Variants in NANOG observed in about 807,000 individuals in gnomAD.
The protein encoded by NANOG is homeobox protein NANOG.
NANOG carries 2 observed loss-of-function variants against 17.7 expected under a neutral mutation model. The observed-to-expected ratio is 0.11, with a 90% CI of 0.05 to 0.36. The LOEUF is 0.36. Among genes scored for constraint, NANOG ranks in the 10% least tolerant of loss-of-function variants. The pLI, the probability that NANOG is intolerant of heterozygous loss-of-function variation, is 1.00. For missense variants in NANOG, 174 were observed against 362.1 expected, an observed-to-expected ratio of 0.48 and a Z score of 4.22; for synonymous variants, 81 against 124.7, an observed-to-expected ratio of 0.65 and a Z score of 2.33.
intron 1 of NANOG, among the ~76,000 whole-genome samples, chr12:7,791,237 G>A (rs1430797057): frequency 6.6e-6 from 1 of 151,564 alleles, no homozygotes; most frequent in Non-Finnish European, 1.5e-5. Context: ...AGTCTCTCGA[G>A]TAGCAGGTAT....
intron 1 of NANOG, among the ~76,000 whole-genome samples, chr12:7,791,457 G>A (rs1454267825): frequency 5.3e-5 from 8 of 152,034 alleles, no homozygotes; most frequent in Non-Finnish European, 7.3e-5. Context: ...GTTTTCTTTA[G>A]CACACATCAA....
In NANOG at chr12:7,789,666, G is replaced by T. The variant is rs778249718; in HGVS notation, c.52G>T (p.Asp18Tyr). 3.1e-6 allele frequency: 5 copies of T among 1,614,076 alleles called. No individual in the cohort carries two copies. The Admixed American group carries it at 6.7e-5, about 22-fold the overall frequency. Residue 18 changes from aspartate (D) to tyrosine (Y), a missense_variant, in exon 1 of 4, where the codon GAC becomes TAC. By Grantham distance (160) the Asp-to-Tyr change is radical. Transcript: ENST00000229307. Reference sequence around the variant, plus strand: ...AAGCTTGCCTTGCTTTGAAGCATCCGACTGTAAAGAATCTTCACCTATGCC... The same window carrying T: ...AAGCTTGCCTTGCTTTGAAGCATCCTACTGTAAAGAATCTTCACCTATGCC... ...PQSLPCFEAS[D>Y]CKESSPMPVI...
At chr12:7,791,235 G>A (rs542412717) in intron 1 of NANOG, among the ~76,000 whole-genome samples, 1 of 151,162 alleles carries the variant, frequency 6.6e-6, no homozygotes, top group Non-Finnish European at 1.5e-5. Context: ...TCAGTCTCTC[G>A]AGTAGCAGGT....
At position 7,789,471 on chromosome 12, in the gene NANOG, G is replaced by C; in HGVS notation, c.-144G>C. ...CTGGTTGCCTCATGTTATTATGCAG[G>C]CAACTCACTTTATCCCAATTTCTTG... On this transcript the variant is annotated 5_prime_UTR_variant, in exon 1 of 4. Coordinates refer to ENST00000229307, the MANE Select transcript of NANOG (RefSeq NM_024865.4). The C allele has an allele frequency of 3.0e-6, 2 of 664,484 alleles. No homozygotes were observed. The highest frequency in any genetic ancestry group is 5.2e-6 in the Non-Finnish European group (2 of 387,038). The allele number at this position is 664,484 out of a possible 1,614,324, so 41.2% of individuals were successfully genotyped here. A position where few individuals can be genotyped will look rare whatever the true frequency, so the allele number is the denominator to read the frequency against.
chr12:7,796,121 T>TA lies in NANOG; in HGVS notation c.*1027dup, dbSNP rs1336326977. The TA allele has an allele frequency of 6.6e-6, 1 of 152,146 alleles. No individual in the cohort carries two copies. The highest frequency in any genetic ancestry group is 1.5e-5 in the Non-Finnish European group (1 of 68,020). 9.4% of individuals were successfully genotyped at this position (152,146 alleles called of 1,614,324 possible). A position where few individuals can be genotyped will look rare whatever the true frequency, so the allele number is the denominator to read the frequency against. On this transcript the variant is annotated 3_prime_UTR_variant, in exon 4 of 4. Transcript: ENST00000229307. ...AAATTAGCTGAGGACACTGCTATCTTAGAAATGCATAGAAATAGCTGAGCG... is the reference window on the plus strand; with the variant it reads ...AAATTAGCTGAGGACACTGCTATCTTAAGAAATGCATAGAAATAGCTGAGCG...
At chr12:7,789,819 A>G (rs1024215559) in intron 1 of NANOG, 54 bp downstream of exon 1, 1 of 1,564,252 alleles carries the variant, frequency 6.4e-7, no homozygotes, top group Non-Finnish European at 8.7e-7. Context: ...AAAAGAGAGA[A>G]GGAGAGAGGG....
rs1474829953 is a variant in NANOG at position 7,793,221 on chromosome 12, G to A, written c.414+9G>A. 69 of 1,613,456 alleles carry A rather than the reference G, an allele frequency of 4.3e-5. No individual in the cohort carries two copies. In the East Asian group the frequency reaches 7.6e-4, roughly 18 times the overall value. ...ACCTCAGCTACAAACAGGTAGGCTT[G>A]TTTTGTCCTTGGAATAAGGTGAACA... On this transcript the variant is annotated intron_variant, in intron 2 of 3. Coordinates refer to ENST00000229307, the MANE Select transcript of NANOG (RefSeq NM_024865.4).
chr12:7,794,975 C>T lies in NANOG; in HGVS notation c.798C>T (p.Ala266=), dbSNP rs4012937. The change falls in exon 4 of 4, where the codon GCC becomes GCT. Residue 266 remains alanine (A), a synonymous_variant. Transcript: ENST00000229307. The part of the protein sequence containing the change: ...PNSPASDLEA[A]LEAAGEGLNV... Reference sequence around the variant, plus strand: ...CTCCTGCCAGTGACTTGGAGGCTGCCTTGGAAGCTGCTGGGGAAGGCCTTA... The same window carrying T: ...CTCCTGCCAGTGACTTGGAGGCTGCTTTGGAAGCTGCTGGGGAAGGCCTTA... 0.44 allele frequency: 517,915 copies of T among 1,175,186 alleles called. 74,834 individuals carry two copies. Among genetic ancestry groups the T allele is most frequent in the Middle Eastern group, 0.52 (1,788 of 3,426 alleles). 72.8% of individuals were successfully genotyped at this position (1,175,186 alleles called of 1,614,324 possible).
At chr12:7,791,315 T>C (rs1592116796) in intron 1 of NANOG, among the ~76,000 whole-genome samples, 1 of 151,760 alleles carries the variant, frequency 6.6e-6, no homozygotes, top group East Asian at 2.0e-4. Context: ...TTCGGTGTGT[T>C]GGCCAGGCTG....
At chr12:7,791,113 C>CTT (rs57074245) in intron 1 of NANOG, among the ~76,000 whole-genome samples, 2 of 140,536 alleles carry the variant, frequency 1.4e-5, no homozygotes, top group African/African-American at 5.4e-5. Flanking sequence ...TTCTTTCTTT[C>CTT]TTTTTTTTTT....
In NANOG at chr12:7,798,494, A is replaced by G. The variant is rs1348495334; in HGVS notation, c.*3399A>G. On this transcript the variant is annotated 3_prime_UTR_variant, in exon 4 of 4. Coordinates refer to ENST00000229307, the MANE Select transcript of NANOG (RefSeq NM_024865.4). ...CAAAAGGAGGTGTGTGTTACTTCCAATGCTATATTTTAGTAGCTTTACCAT... is the reference window on the plus strand; with the variant it reads ...CAAAAGGAGGTGTGTGTTACTTCCAGTGCTATATTTTAGTAGCTTTACCAT... 1 of 152,210 alleles carries G rather than the reference A, an allele frequency of 6.6e-6. No homozygotes were observed. The highest frequency in any genetic ancestry group is 1.5e-5 in the Non-Finnish European group (1 of 68,038). The allele number at this position is 152,210 out of a possible 1,614,324, so 9.4% of individuals were successfully genotyped here. A position where few individuals can be genotyped will look rare whatever the true frequency, so the allele number is the denominator to read the frequency against.
intron 2 of NANOG, 50 bp from the exon 3 acceptor site, chr12:7,794,407 G>A: frequency 6.7e-7 from 1 of 1,491,522 alleles, no homozygotes; most frequent in South Asian, 1.2e-5. Context: ...TTGATTCAAA[G>A]TACCTCTGTA....
intron 1 of NANOG, among the ~76,000 whole-genome samples, chr12:7,791,836 G>A (rs1862845014): frequency 6.6e-6 from 1 of 152,222 alleles, no homozygotes; most frequent in Non-Finnish European, 1.5e-5. Context: ...TGAAACAGAA[G>A]CTTATCCGGA....
intron 1 of NANOG, among the ~76,000 whole-genome samples, chr12:7,792,579 G>A (rs762199085): frequency 1.3e-5 from 2 of 152,070 alleles, no homozygotes; most frequent in Non-Finnish European, 1.5e-5. Flanking sequence ...CAGGAGAATC[G>A]CTTGAACCCA....
At chr12:7,790,476 C>G (rs937203730) in intron 1 of NANOG, among the ~76,000 whole-genome samples, 1 of 152,136 alleles carries the variant, frequency 6.6e-6, no homozygotes, top group Non-Finnish European at 1.5e-5. Context: ...TGTGCTAGTA[C>G]TCATGCTTCT....
Position 7,798,210 on chromosome 12 carries a change from C to T in NANOG, c.*3115C>T, listed in dbSNP as rs753780873. On this transcript the variant is annotated 3_prime_UTR_variant, in exon 4 of 4. Transcript: ENST00000229307. Reference sequence around the variant, plus strand: ...TGGCCAATATGGCGAAACCCTGTCTCTACTAAAAATACAGAAATTTGCCAG... The same window carrying T: ...TGGCCAATATGGCGAAACCCTGTCTTTACTAAAAATACAGAAATTTGCCAG... 6.6e-6 allele frequency: 1 copy of T among 152,120 alleles called. No homozygotes were observed. Among genetic ancestry groups the T allele is most frequent in the Non-Finnish European group, 1.5e-5 (1 of 68,042 alleles). The allele number at this position is 152,120 out of a possible 1,614,324, so 9.4% of individuals were successfully genotyped here. A position where few individuals can be genotyped will look rare whatever the true frequency, so the allele number is the denominator to read the frequency against.
chr12:7,791,787 T>C (rs1862844234), intron 1 of NANOG, among the ~76,000 whole-genome samples: 1 of 152,206 alleles, frequency 6.6e-6, no homozygotes, highest in Admixed American at 6.5e-5. Context: ...AAAATAATTT[T>C]AGAGATGAGG....
In NANOG at chr12:7,789,420, G is replaced by C. The variant is rs940238720; in HGVS notation, c.-195G>C. 14 of 594,702 alleles carry C rather than the reference G, an allele frequency of 2.4e-5. No homozygotes were observed. The highest frequency in any genetic ancestry group is 3.6e-5 in the Non-Finnish European group (12 of 336,374). The allele number at this position is 594,702 out of a possible 1,614,324, so 36.8% of individuals were successfully genotyped here. ...CTTCATTATAAATCTAGAGACTCCA[G>C]GATTTTAACGTTCTGCTGGACTGAG... On this transcript the variant is annotated 5_prime_UTR_variant, in exon 1 of 4. Coordinates refer to ENST00000229307, the MANE Select transcript of NANOG (RefSeq NM_024865.4).
In NANOG at chr12:7,797,908, C is replaced by T. The variant is rs535228255; in HGVS notation, c.*2813C>T. 1 of 124,236 alleles carries T rather than the reference C, an allele frequency of 8.0e-6. No individual in the cohort carries two copies. Among genetic ancestry groups the T allele is most frequent in the Non-Finnish European group, 1.9e-5 (1 of 52,522 alleles). 7.7% of individuals were successfully genotyped at this position (124,236 alleles called of 1,614,324 possible). A position where few individuals can be genotyped will look rare whatever the true frequency, so the allele number is the denominator to read the frequency against. The stretch of plus-strand genomic sequence containing the variant: ...GCTCAAGCAGTCTACCAGCCTTGGC[C>T]TCCCGAAGTGCTGAGATTACAGGCA... On this transcript the variant is annotated 3_prime_UTR_variant, in exon 4 of 4. Coordinates refer to ENST00000229307, the MANE Select transcript of NANOG (RefSeq NM_024865.4).
Sources: gnomAD v4.1 joint callset for allele counts (sites outside exome capture counted in the v4.1 genomes callset) on GRCh38, gnomAD v4.1.1 for gene constraint, MANE v1.5 for transcripts, NCBI Gene and HGNC (gene_info 2026-07-23, HGNC 2026-07-21) for gene names.